RAP1B: variants seen among roughly 807,000 people sequenced by gnomAD.
RAP1B encodes ras-related protein Rap-1b.
RAP1B carries 1 observed loss-of-function variant against 27.5 expected under a neutral mutation model. That is an observed-to-expected ratio of 0.04 (90% CI 0.01 to 0.17). The LOEUF (loss-of-function observed/expected upper bound fraction) is 0.17. Among genes scored for constraint, RAP1B ranks in the 10% least tolerant of loss-of-function variants. The pLI is 1.00. For synonymous variants in RAP1B, 75 were observed against 73.1 expected (o/e 1.03, Z -0.13); for missense variants, 84 against 214.8 (o/e 0.39, Z 3.81).
intron 1 of RAP1B, chr12:68,627,245 G>C: frequency 7.8e-7 from 1 of 1,275,110 alleles, no homozygotes; most frequent in Non-Finnish European, 1.1e-6. Flanking sequence ...ACTGTCTCCA[G>C]GGTCCCTTAG....
intron 1 of RAP1B, among the ~76,000 whole-genome samples, chr12:68,630,953 G>T (rs772377187): frequency 5.3e-5 from 8 of 150,848 alleles, no homozygotes; most frequent in Non-Finnish European, 1.2e-4. Context: ...CATGTACTTT[G>T]GCAGATTCGA....
chr12:68,651,508 A>G (rs1273479221), intron 3 of RAP1B, among the ~76,000 whole-genome samples: 1 of 152,176 alleles, frequency 6.6e-6, no homozygotes, highest in Admixed American at 6.5e-5. Flanking sequence ...ACAGGGATAT[A>G]TGTGTAATTT....
intron 7 of RAP1B, among the ~76,000 whole-genome samples, chr12:68,658,444 G>A (rs1874383399): frequency 2.0e-5 from 3 of 152,132 alleles, no homozygotes; most frequent in Non-Finnish European, 2.9e-5. Flanking sequence ...TAAAGTTCTA[G>A]GCATTTGTGA....
Position 68,669,634 on chromosome 12 carries a change from C to T in RAP1B, c.*10385C>T, listed in dbSNP as rs1004798117. ...TGGCTAACATGGTGAAACCCCGTCT[C>T]TACTAAAAATACAAAAATTAGCCAG... On this transcript the variant is annotated 3_prime_UTR_variant, in exon 8 of 8. Transcript: ENST00000250559. 1 of 152,226 alleles carries T rather than the reference C, an allele frequency of 6.6e-6. No homozygotes were observed. Among genetic ancestry groups the T allele is most frequent in the African/African-American group, 2.4e-5 (1 of 41,422 alleles). The allele number at this position is 152,226 out of a possible 1,614,324, so 9.4% of individuals were successfully genotyped here.
In RAP1B at chr12:68,654,094, CCTTT is replaced by C. The variant is rs745354584; in HGVS notation, c.184-11_184-8del. 36 of 1,562,484 alleles carry C rather than the reference CCTTT, an allele frequency of 2.3e-5. No homozygotes were observed. Among genetic ancestry groups the C allele is most frequent in the African/African-American group, 4.1e-5 (3 of 73,258 alleles). ...CAAAACATTATTGTTTTTTAACGTT[CCTTT>C]CTTTCTATTGTAGGAGCAATTTACA... On this transcript the variant is annotated splice_polypyrimidine_tract_variant and intron_variant, in intron 4 of 7. Transcript: ENST00000250559.
chr12:68,638,684 G>C (rs953709440), intron 1 of RAP1B, among the ~76,000 whole-genome samples: 1 of 151,892 alleles, frequency 6.6e-6, no homozygotes, highest in Non-Finnish European at 1.5e-5. Flanking sequence ...TTTTGAGACA[G>C]AGTCTCACTC....
intron 7 of RAP1B, 175 bp downstream of exon 7, chr12:68,657,392 G>A (rs1874280624): frequency 2.2e-6 from 1 of 452,856 alleles, no homozygotes; most frequent in African/African-American, 2.0e-5. Flanking sequence ...ATCATCATGA[G>A]TAAAGTATTT....
intron 4 of RAP1B, 82 bp from the exon 5 acceptor site, chr12:68,654,030 G>C: frequency 8.7e-7 from 1 of 1,152,850 alleles, no homozygotes. Context: ...TCTTCATTGA[G>C]CTATAATTAT....
At chr12:68,613,434 T>C (rs929342326) in intron 1 of RAP1B, among the ~76,000 whole-genome samples, 5 of 150,056 alleles carry the variant, frequency 3.3e-5, no homozygotes, top group Non-Finnish European at 5.9e-5. Flanking sequence ...ATTGCTCTGC[T>C]CTCTTTTACA....
chr12:68,655,171 T>C (rs925109406), intron 5 of RAP1B, among the ~76,000 whole-genome samples: 2 of 151,694 alleles, frequency 1.3e-5, no homozygotes, highest in African/African-American at 4.8e-5. Context: ...AAAAAAAAAT[T>C]AGCCAGCATG....
At chr12:68,625,182 C>G (rs1415996595) in intron 1 of RAP1B, among the ~76,000 whole-genome samples, 1 of 152,164 alleles carries the variant, frequency 6.6e-6, no homozygotes, top group Admixed American at 6.5e-5. Flanking sequence ...AGTGTTTATT[C>G]ATATGTGAAA....
chr12:68,643,236 A>G (rs1372037764), intron 1 of RAP1B, among the ~76,000 whole-genome samples: 1 of 152,070 alleles, frequency 6.6e-6, no homozygotes, highest in Non-Finnish European at 1.5e-5. Flanking sequence ...TTTTTGACTT[A>G]ATCCTTATTT....
intron 1 of RAP1B, among the ~76,000 whole-genome samples, chr12:68,625,621 T>C (rs528518710): frequency 6.6e-6 from 1 of 152,294 alleles, no homozygotes; most frequent in South Asian, 2.1e-4. Context: ...AAGGCATTCT[T>C]TTTTAAAGTT....
chr12:68,639,478 T>G (rs548612463), intron 1 of RAP1B, among the ~76,000 whole-genome samples: 34 of 152,346 alleles, frequency 2.2e-4, no homozygotes, highest in African/African-American at 7.5e-4. Context: ...CTAAAGTATT[T>G]GGTATAACTT....
chr12:68,655,716 AG>A (rs533565916), intron 5 of RAP1B, among the ~76,000 whole-genome samples: 47 of 152,156 alleles, frequency 3.1e-4, no homozygotes, highest in African/African-American at 1.1e-3. Flanking sequence ...TTGTGTTTTT[AG>A]TAGAAACAGG....
chr12:68,640,845 C>G (rs1228996039), intron 1 of RAP1B, among the ~76,000 whole-genome samples: 2 of 152,042 alleles, frequency 1.3e-5, no homozygotes, highest in Non-Finnish European at 2.9e-5. Context: ...AAAAGCTACC[C>G]CATAAGACCA....
intron 1 of RAP1B, among the ~76,000 whole-genome samples, chr12:68,639,362 A>C (rs546549209): frequency 1.3e-5 from 2 of 152,228 alleles, no homozygotes; most frequent in Admixed American, 1.3e-4. Context: ...ATTTATCTCA[A>C]AATATACGAC....
intron 1 of RAP1B, among the ~76,000 whole-genome samples, chr12:68,623,564 G>A (rs1871531603): frequency 6.6e-6 from 1 of 152,150 alleles, no homozygotes; most frequent in African/African-American, 2.4e-5. Flanking sequence ...TATTAATGTG[G>A]AACATGGATA....
chr12:68,667,690 TTCTC>T lies in RAP1B; in HGVS notation c.*8443_*8446del, dbSNP rs1422385313. 1 of 152,258 alleles carries T rather than the reference TTCTC, an allele frequency of 6.6e-6. No individual in the cohort carries two copies. Among genetic ancestry groups the T allele is most frequent in the African/African-American group, 2.4e-5 (1 of 41,466 alleles). The allele number at this position is 152,258 out of a possible 1,614,324, so 9.4% of individuals were successfully genotyped here. A position where few individuals can be genotyped will look rare whatever the true frequency, so the allele number is the denominator to read the frequency against. ...CAGTTCCCAGAAGTCAATTCAGTCA[TTCTC>T]TATAAGAGCTGTTGTGGAAAAAGTT... On this transcript the variant is annotated 3_prime_UTR_variant, in exon 8 of 8. Transcript: ENST00000250559.
Sources: allele counts gnomAD v4.1 joint callset (sites outside exome capture counted in the v4.1 genomes callset), GRCh38; gene constraint gnomAD v4.1.1; transcripts MANE v1.5; gene names NCBI Gene and HGNC (gene_info 2026-07-23, HGNC 2026-07-21).